Variants in CYP46A1 observed in about 807,000 individuals in gnomAD.
CYP46A1 encodes cytochrome P450 family 46 subfamily A member 1.
In CYP46A1, 20 loss-of-function variants were observed where a neutral mutation model predicts 63.3. That is an observed-to-expected ratio of 0.32 (90% confidence interval 0.22 to 0.46). CYP46A1 has a LOEUF of 0.46. CYP46A1 is among the 20% of genes least tolerant of loss of function. The pLI is 1.00. For synonymous variants in CYP46A1, 268 were observed against 273.6 expected (o/e 0.98, Z 0.20); for missense variants, 445 against 670.8 (o/e 0.66, Z 3.72).
At chr14:99,698,563 A>G (rs2056604809) in intron 3 of CYP46A1, among the ~76,000 whole-genome samples, 1 of 152,194 alleles carries the variant, frequency 6.6e-6, no homozygotes, top group Admixed American at 6.5e-5. Flanking sequence ...AGCACCTGCT[A>G]TGTGCCGGGC....
intron 5 of CYP46A1, among the ~76,000 whole-genome samples, chr14:99,701,057 C>CA (rs2056626712): frequency 1.3e-5 from 2 of 152,062 alleles, no homozygotes; most frequent in South Asian, 4.1e-4. Flanking sequence ...AATAAGGATA[C>CA]AAATAAGATA....
chr14:99,698,911 G>A (rs1419464945), intron 3 of CYP46A1, among the ~76,000 whole-genome samples: 1 of 152,224 alleles, frequency 6.6e-6, no homozygotes, highest in East Asian at 1.9e-4. Flanking sequence ...TCCAGTGTCT[G>A]AAAGCAGACA....
At chr14:99,690,857 G>GA (rs1175377342) in intron 1 of CYP46A1, among the ~76,000 whole-genome samples, 4 of 151,832 alleles carry the variant, frequency 2.6e-5, no homozygotes, top group Non-Finnish European at 4.4e-5. Flanking sequence ...AGGGAGACAG[G>GA]AAAAAAAACT....
intron 10 of CYP46A1, among the ~76,000 whole-genome samples, chr14:99,720,991 G>A (rs4905885): frequency 0.074 from 11,202 of 152,106 alleles, 450 homozygotes; most frequent in East Asian, 0.15. Context: ...AGGCTGAGGC[G>A]GGAGAATTGC....
At chr14:99,723,560 C>T (rs973901327) in intron 12 of CYP46A1, among the ~76,000 whole-genome samples, 2 of 152,206 alleles carry the variant, frequency 1.3e-5, no homozygotes, top group Non-Finnish European at 2.9e-5. Context: ...CCACCTGCCT[C>T]GGCCTCCCAA....
At chr14:99,721,818 G>A (rs1016698697) in intron 11 of CYP46A1, 138 bp from the exon 12 acceptor site, 1 of 609,122 alleles carries the variant, frequency 1.6e-6, no homozygotes, top group Non-Finnish European at 2.9e-6. Flanking sequence ...TGTCCCAGGG[G>A]CCTGGGACCC....
At chr14:99,719,732 G>A (rs2056826620) in intron 10 of CYP46A1, among the ~76,000 whole-genome samples, 1 of 148,916 alleles carries the variant, frequency 6.7e-6, no homozygotes, top group African/African-American at 2.5e-5. Context: ...TGCAGTATGT[G>A]TCAGAACTCC....
In CYP46A1 at chr14:99,717,845, C is replaced by G. The variant is rs1861392538; in HGVS notation, c.908-209C>G. ...ACCACAGAGACCCATTCCTCTCCAC[C>G]TCCACTTTCTCTTCTCCAAAATGGA... is the stretch of plus-strand genomic sequence containing the variant. On this transcript the variant is annotated intron_variant, in intron 9 of 14. Coordinates refer to ENST00000261835, the MANE Select transcript of CYP46A1 (RefSeq NM_006668.2). The G allele has an allele frequency of 5.7e-6, 3 of 523,844 alleles. No homozygotes were observed. In the Admixed American group the frequency reaches 1.1e-4, roughly 18 times the overall value. 32.4% of individuals were successfully genotyped at this position (523,844 alleles called of 1,614,324 possible).
chr14:99,693,834 G>T (rs528465993), intron 3 of CYP46A1, among the ~76,000 whole-genome samples: 8 of 152,050 alleles, frequency 5.3e-5, no homozygotes, highest in Admixed American at 5.2e-4. Flanking sequence ...ATGATAAAAT[G>T]CACATAACAT....
chr14:99,703,790 A>G, intron 5 of CYP46A1: 2 of 977,396 alleles, frequency 2.0e-6, no homozygotes, highest in Non-Finnish European at 2.4e-6. Flanking sequence ...CAGGCACCCC[A>G]CAAGCCCTCC....
In CYP46A1 at chr14:99,695,160, T is replaced by C. The variant is rs143087032; in HGVS notation, c.282+3299T>C. Among the ~76,000 whole-genome samples, 82 of 152,366 alleles carry C rather than the reference T, an allele frequency of 5.4e-4. 3 individuals are homozygous for C. In the South Asian group the frequency reaches 0.015, roughly 27 times the overall value. The stretch of plus-strand genomic sequence containing the variant: ...GTAAAGTCAGAGAGAATACTCATCA[T>C]CATGATTTCAGTCCTTTTAAATTAA... On this transcript the variant is annotated intron_variant, in intron 3 of 14. Transcript: ENST00000261835.
At chr14:99,719,360 C>T (rs2140138194) in intron 10 of CYP46A1, among the ~76,000 whole-genome samples, 1 of 151,532 alleles carries the variant, frequency 6.6e-6, no homozygotes, top group South Asian at 2.1e-4. Context: ...TACAGGTGTG[C>T]ACCACCACAC....
intron 5 of CYP46A1, among the ~76,000 whole-genome samples, chr14:99,702,604 CTTATTAT>C (rs1246717391): frequency 6.6e-6 from 1 of 152,062 alleles, no homozygotes; most frequent in African/African-American, 2.4e-5. Context: ...CCCAGATTCA[CTTATTAT>C]TTATTATTTA....
chr14:99,717,909 G>A, intron 9 of CYP46A1, 145 bp from the exon 10 acceptor site: 1 of 609,834 alleles, frequency 1.6e-6, no homozygotes, highest in Non-Finnish European at 2.9e-6. Flanking sequence ...CCTAGACGAT[G>A]GTTCAAGGAA....
intron 3 of CYP46A1, 146 bp from the exon 4 acceptor site, chr14:99,699,320 G>A (rs763913317): frequency 1.3e-6 from 1 of 773,610 alleles, no homozygotes. Flanking sequence ...TGAAGATAGG[G>A]ACGATTGTGT....
chr14:99,723,539 C>T (rs1341126342), intron 12 of CYP46A1, among the ~76,000 whole-genome samples: 2 of 152,154 alleles, frequency 1.3e-5, no homozygotes, highest in Non-Finnish European at 2.9e-5. Flanking sequence ...AAACTCCTGA[C>T]CTCAAGTGAT....
chr14:99,708,772 C>T (rs4905882), intron 7 of CYP46A1: 119,796 of 152,364 alleles, frequency 0.79, 47,387 homozygotes, highest in South Asian at 0.91. Flanking sequence ...CCATCCCTCC[C>T]GCTACTGCTG....
In CYP46A1 at chr14:99,717,877, C is replaced by T; in HGVS notation, c.908-177C>T. On this transcript the variant is annotated intron_variant, in intron 9 of 14. Transcript: ENST00000261835. ...TTCTCTTCTCCAAAATGGAGGTGAGCACCTCCCCGGGCCAAGTGAGACCTA... is the reference window on the plus strand; with the variant it reads ...TTCTCTTCTCCAAAATGGAGGTGAGTACCTCCCCGGGCCAAGTGAGACCTA... The T allele has an allele frequency of 7.7e-6, 4 of 522,182 alleles. No homozygotes were observed. In the South Asian group the frequency reaches 8.4e-5, roughly 11 times the overall value. The allele number at this position is 522,182 out of a possible 1,614,324, so 32.3% of individuals were successfully genotyped here.
At chr14:99,707,422 A>G (rs1020818961) in intron 6 of CYP46A1, 146 bp from the exon 7 acceptor site, 1 of 622,794 alleles carries the variant, frequency 1.6e-6, no homozygotes, top group Non-Finnish European at 2.9e-6. Flanking sequence ...TCAAATTATC[A>G]TGGGTCATTG....
Sources: gnomAD v4.1 joint callset for allele counts (sites outside exome capture counted in the v4.1 genomes callset) on GRCh38, gnomAD v4.1.1 for gene constraint, MANE v1.5 for transcripts, NCBI Gene and HGNC (gene_info 2026-07-23, HGNC 2026-07-21) for gene names.